DPP10: variants seen among roughly 807,000 people sequenced by gnomAD.
DPP10 encodes the protein inactive dipeptidyl peptidase 10.
Under a neutral mutation model 120.9 loss-of-function variants are expected in DPP10, and 33 were observed. That is an observed-to-expected ratio of 0.27 (90% CI 0.21 to 0.37). DPP10 has a LOEUF of 0.37. DPP10 is among the 10% of genes least tolerant of loss of function. DPP10 has a pLI of 1.00. For synonymous variants in DPP10, 337 were observed against 326.1 expected, an observed-to-expected ratio of 1.03 and a Z score of -0.36; for missense variants, 816 against 942.8, an observed-to-expected ratio of 0.87 and a Z score of 1.76.
At chr2:114,589,322 C>T (rs1015194653) in intron 1 of DPP10, among the ~76,000 whole-genome samples, 5 of 152,130 alleles carry the variant, frequency 3.3e-5, no homozygotes, top group East Asian at 1.9e-4. Context: ...ACTTGCTGCT[C>T]GGTGTTAACC....
intron 1 of DPP10, among the ~76,000 whole-genome samples, chr2:114,703,753 A>T (rs1031351617): frequency 6.6e-6 from 1 of 152,176 alleles, no homozygotes; most frequent in Non-Finnish European, 1.5e-5. Flanking sequence ...TGGTTCCATA[A>T]AATAGAAATG....
chr2:115,220,645 A>G (rs1356555017), intron 1 of DPP10, among the ~76,000 whole-genome samples: 5 of 152,136 alleles, frequency 3.3e-5, no homozygotes. Flanking sequence ...AGATATAACC[A>G]GTCTTTGACA....
rs146436591 is a variant in DPP10 at position 115,424,415 on chromosome 2, T to C, written c.272-75095T>C. Among the ~76,000 whole-genome samples the C allele has an allele frequency of 2.3e-3, 348 of 152,172 alleles. 2 individuals carry two copies. Among genetic ancestry groups the C allele is most frequent in the African/African-American group, 7.6e-3 (314 of 41,550 alleles). On this transcript the variant is annotated intron_variant, in intron 3 of 25. Coordinates refer to ENST00000410059, the MANE Select transcript of DPP10 (RefSeq NM_020868.6). ...TTTAATTTTATTATTTTCTAAAATG[T>C]TATTAATTTTGCCACAGATTATTCT...
chr2:115,179,451 G>A (rs1364222619), intron 1 of DPP10, among the ~76,000 whole-genome samples: 17 of 152,030 alleles, frequency 1.1e-4, no homozygotes, highest in Admixed American at 1.1e-3. Context: ...TATACCGTGG[G>A]ATAAGCATAA....
At chr2:114,555,075 T>TG (rs1267632079) in intron 1 of DPP10, among the ~76,000 whole-genome samples, 3 of 152,168 alleles carry the variant, frequency 2.0e-5, no homozygotes, top group Admixed American at 2.0e-4. Flanking sequence ...TCCTATTTCC[T>TG]GGGATTGGTG....
At position 115,475,492 on chromosome 2, in the gene DPP10, C is replaced by A. The variant is rs1001984522; in HGVS notation, c.272-24018C>A. On this transcript the variant is annotated intron_variant, in intron 3 of 25. Coordinates refer to ENST00000410059, the MANE Select transcript of DPP10 (RefSeq NM_020868.6). Reference sequence around the variant, plus strand: ...GCAGGGGCAGAGCCCTCATGGAGAACCTCCAGGAAGCCAATGTGGAGGGAA... The same window carrying A: ...GCAGGGGCAGAGCCCTCATGGAGAAACTCCAGGAAGCCAATGTGGAGGGAA... Among the ~76,000 whole-genome samples, 4 of 152,212 alleles carry A rather than the reference C, an allele frequency of 2.6e-5. No individual in the cohort carries two copies. In the East Asian group the frequency reaches 7.7e-4, roughly 29 times the overall value.
At chr2:115,276,799 A>G (rs1045212256) in intron 1 of DPP10, among the ~76,000 whole-genome samples, 4 of 152,198 alleles carry the variant, frequency 2.6e-5, no homozygotes, top group African/African-American at 4.8e-5. Context: ...TTTATTAAGT[A>G]GGTACTAATA....
At chr2:114,860,225 C>G (rs1689704783) in intron 1 of DPP10, among the ~76,000 whole-genome samples, 1 of 152,168 alleles carries the variant, frequency 6.6e-6, no homozygotes, top group Non-Finnish European at 1.5e-5. Flanking sequence ...GTCACTTTCC[C>G]TGCTCTAACA....
In DPP10 at chr2:115,814,876, T is replaced by G. The variant is rs1326660134; in HGVS notation, c.1784T>G (p.Ile595Ser). The G allele has an allele frequency of 6.2e-7, 1 of 1,611,208 alleles. No individual in the cohort carries two copies. Among genetic ancestry groups the G allele is most frequent in the African/African-American group, 1.3e-5 (1 of 74,904 alleles). ...GTACTCATTGACATGGATAATGTCATTGTAGCAAGATTTGATGGCAGAGGA... is the reference window on the plus strand; with the variant it reads ...GTACTCATTGACATGGATAATGTCAGTGTAGCAAGATTTGATGGCAGAGGA... ...DSVLIDMDNVIVARFDGRGSG... is the reference protein window; with the variant it reads ...DSVLIDMDNVSVARFDGRGSG... The change falls in exon 20 of 26, where the codon ATT becomes AGT. Residue 595 changes from isoleucine to serine, a missense_variant. Ile to Ser is a moderately radical substitution (Grantham distance 142). This residue lies in a region of DPP10 where 592 missense variants were observed against 649.0 expected (regional missense o/e 0.91). Transcript: ENST00000410059.
chr2:114,657,423 A>G (rs1456758980), intron 1 of DPP10, among the ~76,000 whole-genome samples: 2 of 152,196 alleles, frequency 1.3e-5, no homozygotes, highest in East Asian at 1.9e-4. Context: ...TTAACATATT[A>G]GTCATTAGTT....
intron 1 of DPP10, among the ~76,000 whole-genome samples, chr2:114,990,017 G>A (rs150186406): frequency 1.2e-3 from 180 of 152,196 alleles, no homozygotes; most frequent in African/African-American, 4.3e-3. Flanking sequence ...TTAGTGATGT[G>A]TTTTCCTGAT....
At chr2:114,907,797 G>A (rs1694084329) in intron 1 of DPP10, among the ~76,000 whole-genome samples, 1 of 151,984 alleles carries the variant, frequency 6.6e-6, no homozygotes, top group African/African-American at 2.4e-5. Context: ...GTACGTATCT[G>A]CTATGTCTAG....
At chr2:114,577,438 C>T (rs1051147882) in intron 1 of DPP10, among the ~76,000 whole-genome samples, 2 of 152,078 alleles carry the variant, frequency 1.3e-5, no homozygotes, top group African/African-American at 4.8e-5. Flanking sequence ...ATACCTGGGA[C>T]CCACCGGACT....
chr2:115,258,967 G>C (rs912527022), intron 1 of DPP10, among the ~76,000 whole-genome samples: 1 of 152,168 alleles, frequency 6.6e-6, no homozygotes, highest in Admixed American at 6.5e-5. Flanking sequence ...GCCTGTAACA[G>C]AACACCAAAA....
chr2:115,555,155 A>G (rs1558841828), intron 5 of DPP10, among the ~76,000 whole-genome samples: 1 of 152,106 alleles, frequency 6.6e-6, no homozygotes, highest in Non-Finnish European at 1.5e-5. Flanking sequence ...ATTTATTTCC[A>G]ATTTAAGAAT....
chr2:115,597,989 C>T (rs569277050), intron 5 of DPP10, among the ~76,000 whole-genome samples: 1 of 152,160 alleles, frequency 6.6e-6, no homozygotes, highest in Admixed American at 6.5e-5. Context: ...GTGACTTCCT[C>T]TCCCTTTTAT....
intron 1 of DPP10, among the ~76,000 whole-genome samples, chr2:115,072,706 T>G (rs755440294): frequency 4.6e-5 from 7 of 152,216 alleles, no homozygotes; most frequent in Admixed American, 6.5e-5. Flanking sequence ...GTCTAAAATT[T>G]TCTATTTATC....
At chr2:115,034,960 C>T (rs952059142) in intron 1 of DPP10, among the ~76,000 whole-genome samples, 1 of 152,218 alleles carries the variant, frequency 6.6e-6, no homozygotes, top group African/African-American at 2.4e-5. Flanking sequence ...CAAGTGGGGT[C>T]AGGCACTCTC....
At chr2:114,471,484 C>G (rs1415596267) in intron 1 of DPP10, among the ~76,000 whole-genome samples, 1 of 152,060 alleles carries the variant, frequency 6.6e-6, no homozygotes, top group Admixed American at 6.6e-5. Flanking sequence ...TCCCTTTACA[C>G]CGACAACCTC....
Sources: allele counts gnomAD v4.1 joint callset (sites outside exome capture counted in the v4.1 genomes callset), GRCh38; gene constraint gnomAD v4.1.1; regional missense constraint gnomAD v4.1.1; transcripts MANE v1.5; gene names NCBI Gene and HGNC (gene_info 2026-07-23, HGNC 2026-07-21).